GABBR2: variants seen among roughly 807,000 people sequenced by gnomAD.
GABBR2 encodes gamma-aminobutyric acid type B receptor subunit 2.
In GABBR2, 23 loss-of-function variants were observed where a neutral mutation model predicts 105.6. The observed-to-expected ratio is 0.22, with a 90% CI of 0.16 to 0.31. GABBR2 has a LOEUF of 0.31. GABBR2 is among the 10% of genes least tolerant of loss of function. The pLI is 1.00. For synonymous variants in GABBR2, 478 were observed against 499.7 expected, an observed-to-expected ratio of 0.96 and a Z score of 0.58; for missense variants, 734 against 1,245.5, an observed-to-expected ratio of 0.59 and a Z score of 6.18.
At chr9:98,386,543 C>T (rs1018458007) in intron 10 of GABBR2, among the ~76,000 whole-genome samples, 6 of 152,266 alleles carry the variant, frequency 3.9e-5, no homozygotes, top group Non-Finnish European at 5.9e-5. Flanking sequence ...CTTTATACTT[C>T]CAGACGCTGC....
intron 4 of GABBR2, among the ~76,000 whole-genome samples, chr9:98,495,036 G>GCCACC (rs1412207039): frequency 6.6e-6 from 1 of 152,186 alleles, no homozygotes; most frequent in Non-Finnish European, 1.5e-5. Context: ...CTGCAGAGCA[G>GCCACC]CCACCCCACC....
intron 1 of GABBR2, among the ~76,000 whole-genome samples, chr9:98,627,668 G>A (rs1291707486): frequency 6.6e-6 from 1 of 152,250 alleles, no homozygotes; most frequent in Non-Finnish European, 1.5e-5. Context: ...GCACCCATCA[G>A]GGCGTTCTGA....
At chr9:98,524,377 T>A (rs1362027860) in intron 3 of GABBR2, among the ~76,000 whole-genome samples, 1 of 152,114 alleles carries the variant, frequency 6.6e-6, no homozygotes, top group Non-Finnish European at 1.5e-5. Flanking sequence ...CATACGTACT[T>A]ACAGAAAAAA....
intron 1 of GABBR2, among the ~76,000 whole-genome samples, chr9:98,678,613 G>A (rs1035562776): frequency 2.0e-5 from 3 of 152,202 alleles, no homozygotes; most frequent in African/African-American, 7.2e-5. Context: ...TGGAAAACGG[G>A]ATGAAATGAA....
At chr9:98,417,813 G>A (rs907775339) in intron 7 of GABBR2, among the ~76,000 whole-genome samples, 2 of 152,218 alleles carry the variant, frequency 1.3e-5, no homozygotes, top group Non-Finnish European at 2.9e-5. Flanking sequence ...CAAAGGAAGG[G>A]CACCTCTCTT....
intron 3 of GABBR2, among the ~76,000 whole-genome samples, chr9:98,499,034 C>G (rs958468539): frequency 6.6e-6 from 1 of 152,210 alleles, no homozygotes; most frequent in East Asian, 1.9e-4. Flanking sequence ...AGTTTTTACA[C>G]CTATAAGATG....
chr9:98,637,284 T>C (rs7860838), intron 1 of GABBR2, among the ~76,000 whole-genome samples: 8,821 of 152,260 alleles, frequency 0.058, 303 homozygotes, highest in Non-Finnish European at 0.081. Flanking sequence ...GTTGGCTACT[T>C]TGGGAACCTT....
chr9:98,324,943 C>T lies in GABBR2; in HGVS notation c.1894-13738G>A, dbSNP rs148743947. 2.0e-3 allele frequency among the ~76,000 whole-genome samples: 302 copies of T among 152,240 alleles called. 5 individuals carry two copies. The Middle Eastern group carries it at 0.02, about 10-fold the overall frequency. Reference sequence around the variant, plus strand: ...TATAAACTTTGTACACACACATATACACACACACGCACACACATATAAGTC... The same window carrying T: ...TATAAACTTTGTACACACACATATATACACACACGCACACACATATAAGTC... On this transcript the variant is annotated intron_variant, in intron 13 of 18. Transcript: ENST00000259455.
chr9:98,303,237 G>A lies in GABBR2; in HGVS notation c.2412+4C>T. ...GCCCAGCTACCAGATGCAGAGGGAG[G>A]TACCTCTGTGATCTTCATTCGCAGG... On this transcript the variant is annotated splice_donor_region_variant and intron_variant, in intron 16 of 18. Transcript: ENST00000259455. The A allele has an allele frequency of 6.2e-7, 1 of 1,611,292 alleles. No homozygotes were observed. The highest frequency in any genetic ancestry group is 8.5e-7 in the Non-Finnish European group (1 of 1,177,668).
chr9:98,541,771 A>G, intron 3 of GABBR2, 102 bp downstream of exon 3: 2 of 1,027,420 alleles, frequency 1.9e-6, no homozygotes, highest in South Asian at 3.1e-5. Context: ...ACATGCTTAA[A>G]AGCCCTGTGA....
chr9:98,645,865 C>T (rs1239397144), intron 1 of GABBR2, among the ~76,000 whole-genome samples: 2 of 152,220 alleles, frequency 1.3e-5, no homozygotes, highest in Admixed American at 1.3e-4. Flanking sequence ...CATAGACTAA[C>T]TCATTTAATC....
At chr9:98,465,638 A>G (rs1357063960) in intron 6 of GABBR2, among the ~76,000 whole-genome samples, 1 of 152,216 alleles carries the variant, frequency 6.6e-6, no homozygotes, top group Non-Finnish European at 1.5e-5. Context: ...AAATGATACC[A>G]CATCTATAAT....
chr9:98,471,428 G>A (rs1826672882), intron 6 of GABBR2, among the ~76,000 whole-genome samples: 2 of 152,254 alleles, frequency 1.3e-5, no homozygotes, highest in Admixed American at 6.5e-5. Context: ...AGGGAAGTCA[G>A]TGATCTGGGG....
chr9:98,544,298 G>C (rs1309212362), intron 2 of GABBR2, among the ~76,000 whole-genome samples: 1 of 152,178 alleles, frequency 6.6e-6, no homozygotes, highest in Non-Finnish European at 1.5e-5. Flanking sequence ...GGGGGCAGTA[G>C]AGATTTGTCC....
intron 1 of GABBR2, among the ~76,000 whole-genome samples, chr9:98,675,553 C>A (rs2051190954): frequency 6.6e-6 from 1 of 152,190 alleles, no homozygotes; most frequent in African/African-American, 2.4e-5. Flanking sequence ...GAACAAGCCA[C>A]ATTTGCAGCC....
At chr9:98,517,528 T>C (rs929511343) in intron 3 of GABBR2, among the ~76,000 whole-genome samples, 10 of 152,164 alleles carry the variant, frequency 6.6e-5, no homozygotes, top group East Asian at 1.9e-4. Context: ...AGAACCCTCA[T>C]AGTGACTCAA....
At chr9:98,442,596 G>T (rs937630639) in intron 7 of GABBR2, among the ~76,000 whole-genome samples, 2 of 152,166 alleles carry the variant, frequency 1.3e-5, no homozygotes, top group African/African-American at 4.8e-5. Context: ...ACAATAAATA[G>T]CAGTCTCCAC....
intron 2 of GABBR2, among the ~76,000 whole-genome samples, chr9:98,575,094 C>T (rs969533591): frequency 5.3e-5 from 8 of 152,134 alleles, no homozygotes; most frequent in Non-Finnish European, 1.0e-4. Context: ...ACCACCCCCC[C>T]CCAAATCTGC....
At chr9:98,691,647 CT>C (rs1247550486) in intron 1 of GABBR2, among the ~76,000 whole-genome samples, 1 of 152,220 alleles carries the variant, frequency 6.6e-6, no homozygotes, top group African/African-American at 2.4e-5. Context: ...GTTCAGCTCT[CT>C]GTCCACAGTG....
Sources: allele counts gnomAD v4.1 joint callset (sites outside exome capture counted in the v4.1 genomes callset), GRCh38; gene constraint gnomAD v4.1.1; transcripts MANE v1.5; gene names NCBI Gene and HGNC (gene_info 2026-07-23, HGNC 2026-07-21).